Variants in SUPT3H observed in about 807,000 individuals in gnomAD.
SUPT3H encodes the protein SPT3 homolog, SAGA and STAGA complex component.
In SUPT3H, 44 loss-of-function variants were observed where a neutral mutation model predicts 44.3. That is an observed-to-expected ratio of 0.99 (90% CI 0.78 to 1.28). SUPT3H has a LOEUF of 1.28. Among genes scored for constraint, SUPT3H ranks in the 50% most tolerant of loss-of-function variants. The pLI is 0.00. For missense variants in SUPT3H, 380 were observed against 387.1 expected, an observed-to-expected ratio of 0.98 and a Z score of 0.15; for synonymous variants, 124 against 125.6, an observed-to-expected ratio of 0.99 and a Z score of 0.09.
intron 2 of SUPT3H, among the ~76,000 whole-genome samples, chr6:45,188,738 TTAAAA>T (rs1017457356): frequency 2.0e-5 from 3 of 146,466 alleles, no homozygotes; most frequent in African/African-American, 7.5e-5. Context: ...ATTTCATGAT[TTAAAA>T]AAAAAAACTC....
intron 2 of SUPT3H, among the ~76,000 whole-genome samples, chr6:45,107,627 T>C (rs1799462340): frequency 6.6e-6 from 1 of 152,196 alleles, no homozygotes; most frequent in Non-Finnish European, 1.5e-5. Flanking sequence ...GTGATTTATA[T>C]TGATAGTGCC....
intron 3 of SUPT3H, among the ~76,000 whole-genome samples, chr6:45,070,306 T>G (rs1411280085): frequency 6.6e-6 from 1 of 152,170 alleles, no homozygotes; most frequent in African/African-American, 2.4e-5. Flanking sequence ...TATAGAGTTT[T>G]CAGATCAACA....
chr6:45,323,600 C>T (rs775659501), intron 2 of SUPT3H, among the ~76,000 whole-genome samples: 4 of 152,092 alleles, frequency 2.6e-5, no homozygotes, highest in East Asian at 1.9e-4. Flanking sequence ...CAAATTGTAA[C>T]GAAATATACA....
chr6:44,814,053 G>A (rs1766737581), intron 11 of SUPT3H, among the ~76,000 whole-genome samples: 1 of 152,072 alleles, frequency 6.6e-6, no homozygotes, highest in South Asian at 2.1e-4. Context: ...AACTGTTAAA[G>A]AATAAAAGGA....
chr6:45,234,816 G>T (rs952446812), intron 2 of SUPT3H, among the ~76,000 whole-genome samples: 94 of 152,082 alleles, frequency 6.2e-4, no homozygotes, highest in African/African-American at 2.2e-3. Context: ...CTTTTCTGGA[G>T]ATCTCTGCTG....
intron 2 of SUPT3H, among the ~76,000 whole-genome samples, chr6:45,167,120 T>G (rs574463395): frequency 6.6e-6 from 1 of 152,170 alleles, no homozygotes; most frequent in African/African-American, 2.4e-5. Flanking sequence ...AGACACAATC[T>G]TGTAATATAA....
chr6:45,340,223 T>C (rs972272128), intron 2 of SUPT3H, among the ~76,000 whole-genome samples: 8 of 152,146 alleles, frequency 5.3e-5, no homozygotes, highest in South Asian at 2.1e-4. Flanking sequence ...AGTCTTCAAA[T>C]TACCCTGCCA....
At chr6:45,320,986 T>C (rs1444974124) in intron 2 of SUPT3H, among the ~76,000 whole-genome samples, 3 of 152,112 alleles carry the variant, frequency 2.0e-5, no homozygotes, top group Non-Finnish European at 4.4e-5. Context: ...CAGAAGCATA[T>C]AGCTAAGAAT....
rs113271542 is a variant in SUPT3H at position 45,121,824 on chromosome 6, C to T, written c.102-15818G>A. Among the ~76,000 whole-genome samples, 1,199 of 151,964 alleles carry T rather than the reference C, an allele frequency of 7.9e-3. 17 individuals carry two copies. The highest frequency in any genetic ancestry group is 0.027 in the Middle Eastern group (8 of 294). ...CTGAGTAGCTGGGATTACAGGCACC[C>T]GCCACCACGCCCAGCTAATTTTTGT... On this transcript the variant is annotated intron_variant, in intron 2 of 10. Coordinates refer to ENST00000371459, the MANE Select transcript of SUPT3H (RefSeq NM_003599.4).
intron 10 of SUPT3H, among the ~76,000 whole-genome samples, chr6:44,882,151 G>A (rs1778335362): frequency 6.6e-6 from 1 of 151,972 alleles, no homozygotes; most frequent in Non-Finnish European, 1.5e-5. Flanking sequence ...GACTAATAAA[G>A]AATAAAAGAC....
intron 3 of SUPT3H, among the ~76,000 whole-genome samples, chr6:45,090,451 C>T (rs1796995805): frequency 6.6e-6 from 1 of 151,912 alleles, no homozygotes; most frequent in African/African-American, 2.4e-5. Context: ...AACTGAATTC[C>T]AGTATTTTCT....
At chr6:44,900,421 A>G (rs1764797696) in intron 10 of SUPT3H, among the ~76,000 whole-genome samples, 1 of 152,234 alleles carries the variant, frequency 6.6e-6, no homozygotes, top group Non-Finnish European at 1.5e-5. Flanking sequence ...AGCCTCGCTC[A>G]CTGCTAGCAC....
chr6:45,166,583 CAAAAAA>C (rs3054765), intron 2 of SUPT3H, among the ~76,000 whole-genome samples: 2 of 96,536 alleles, frequency 2.1e-5, no homozygotes, highest in Non-Finnish European at 4.1e-5. Context: ...AGACTCCATC[CAAAAAA>C]AAAAAAAAAA....
chr6:45,296,932 AG>A (rs1781373734), intron 2 of SUPT3H, among the ~76,000 whole-genome samples: 1 of 148,470 alleles, frequency 6.7e-6, no homozygotes. Flanking sequence ...TTCTGTCTCA[AG>A]AAAAAAAAAA....
intron 10 of SUPT3H, among the ~76,000 whole-genome samples, chr6:44,889,883 C>G (rs1390151891): frequency 6.6e-6 from 1 of 151,968 alleles, no homozygotes; most frequent in African/African-American, 2.4e-5. Flanking sequence ...GGCTAATATC[C>G]AGAATCTACA....
At chr6:44,949,959 T>C (rs1774024239) in intron 9 of SUPT3H, among the ~76,000 whole-genome samples, 1 of 152,216 alleles carries the variant, frequency 6.6e-6, no homozygotes, top group Admixed American at 6.5e-5. Flanking sequence ...AACAAAAGCA[T>C]TTGTCCTTCC....
chr6:45,102,577 G>A lies in SUPT3H; in HGVS notation c.186+3345C>T, dbSNP rs1798727899. ...AATGACACCTAGTAAGTAAAAAGCA[G>A]AGTCAATATAAATGCCTTCCAATGT... On this transcript the variant is annotated intron_variant, in intron 3 of 10. Coordinates refer to ENST00000371459, the MANE Select transcript of SUPT3H (RefSeq NM_003599.4). Among the ~76,000 whole-genome samples, 3 of 152,108 alleles carry A rather than the reference G, an allele frequency of 2.0e-5. No homozygotes were observed. The South Asian group carries it at 6.2e-4, about 32-fold the overall frequency.
chr6:45,085,661 C>T (rs1796385843), intron 3 of SUPT3H, among the ~76,000 whole-genome samples: 1 of 152,106 alleles, frequency 6.6e-6, no homozygotes, highest in South Asian at 2.1e-4. Context: ...AAATTCCTTT[C>T]TACTTATCTC....
At chr6:44,891,325 C>T (rs567555347) in intron 10 of SUPT3H, among the ~76,000 whole-genome samples, 10 of 152,010 alleles carry the variant, frequency 6.6e-5, no homozygotes, top group African/African-American at 1.7e-4. Context: ...CCAATATTCA[C>T]GGCCACATTA....
Sources: allele counts gnomAD v4.1 joint callset (sites outside exome capture counted in the v4.1 genomes callset), GRCh38; gene constraint gnomAD v4.1.1; transcripts MANE v1.5; gene names NCBI Gene and HGNC (gene_info 2026-07-23, HGNC 2026-07-21).